DLGAP1: variants seen among roughly 807,000 people sequenced by gnomAD.
DLGAP1 encodes the protein DLG associated protein 1, also known as disks large-associated protein 1.
A neutral mutation model predicts 90.8 loss-of-function variants in DLGAP1; 11 were observed. The ratio of observed to expected loss-of-function variants is 0.12; its 90% CI spans 0.08 to 0.20. The LOEUF is 0.20. DLGAP1 is among the 10% of genes least tolerant of loss of function. The pLI, the probability that DLGAP1 is intolerant of heterozygous loss-of-function variation, is 1.00. For missense variants in DLGAP1, 1,050 were observed against 1,333.8 expected (o/e 0.79, Z 3.31); for synonymous variants, 558 against 540.7 (o/e 1.03, Z -0.44).
chr18:3,639,546 GGGAATCACAGCCCATTGGCTTAAAA>G lies in DLGAP1; in HGVS notation c.1592-57323_1592-57299del, dbSNP rs879549235. Among the ~76,000 whole-genome samples, 100 of 152,092 alleles carry G rather than the reference GGGAATCACAGCCCATTGGCTTAAAA, an allele frequency of 6.6e-4. No homozygotes were observed. In the South Asian group the frequency reaches 0.01, roughly 15 times the overall value. On this transcript the variant is annotated intron_variant, in intron 7 of 12. Coordinates refer to ENST00000315677, the MANE Select transcript of DLGAP1 (RefSeq NM_004746.4). ...CGGTCACGGGGCTAGAATTTTGTAT[GGGAATCACAGCCCATTGGCTTAAAA>G]GGAATCACAGCCCATTGGCTTAAAA...
intron 9 of DLGAP1, among the ~76,000 whole-genome samples, chr18:3,563,164 T>C (rs1382975719): frequency 6.6e-6 from 1 of 152,166 alleles, no homozygotes; most frequent in Admixed American, 6.6e-5. Flanking sequence ...TAAGATGTTC[T>C]TTCCCTCTCA....
chr18:4,314,791 C>A (rs113723366), intron 1 of DLGAP1, among the ~76,000 whole-genome samples: 5,926 of 151,992 alleles, frequency 0.039, 317 homozygotes, highest in African/African-American at 0.11. Context: ...TACGTTAGGG[C>A]GTGGTGAAGA....
intron 2 of DLGAP1, among the ~76,000 whole-genome samples, chr18:4,017,436 A>G (rs2074541293): frequency 6.6e-6 from 1 of 152,240 alleles, no homozygotes; most frequent in African/African-American, 2.4e-5. Context: ...AAATAAAATA[A>G]TTATTTCTAA....
intron 4 of DLGAP1, among the ~76,000 whole-genome samples, chr18:3,820,756 T>G (rs2067363256): frequency 6.6e-6 from 1 of 152,194 alleles, no homozygotes; most frequent in South Asian, 2.1e-4. Flanking sequence ...AGTGCCTATG[T>G]TACTTTATGT....
At chr18:3,928,872 C>T (rs1308477718) in intron 3 of DLGAP1, among the ~76,000 whole-genome samples, 2 of 152,100 alleles carry the variant, frequency 1.3e-5, no homozygotes, top group Non-Finnish European at 2.9e-5. Flanking sequence ...TGATCTCGAG[C>T]GTTAGAGGTA....
At chr18:3,676,015 C>G (rs1401038254) in intron 7 of DLGAP1, among the ~76,000 whole-genome samples, 1 of 152,098 alleles carries the variant, frequency 6.6e-6, no homozygotes, top group Non-Finnish European at 1.5e-5. Context: ...GAAAAGCAGC[C>G]CCAGACTATT....
intron 7 of DLGAP1, among the ~76,000 whole-genome samples, chr18:3,610,293 G>T (rs2057543064): frequency 1.3e-5 from 2 of 152,180 alleles, no homozygotes; most frequent in Non-Finnish European, 2.9e-5. Context: ...CTGCAGCAAT[G>T]AAATAAACAG....
In DLGAP1 at chr18:3,508,550, A is replaced by C. The variant is rs2050368080; in HGVS notation, c.2571+20T>G. Reference sequence around the variant, plus strand: ...CTCATGGCACTAGCAGGGAAATTGTAGAAGGAGAGTGTTACCTACCAGGTT... The same window carrying C: ...CTCATGGCACTAGCAGGGAAATTGTCGAAGGAGAGTGTTACCTACCAGGTT... On this transcript the variant is annotated intron_variant, in intron 11 of 12. Transcript: ENST00000315677. 1 of 1,576,564 alleles carries C rather than the reference A, an allele frequency of 6.3e-7. No homozygotes were observed. The highest frequency in any genetic ancestry group is 8.7e-7 in the Non-Finnish European group (1 of 1,153,132).
chr18:4,011,314 G>C (rs2074416317), intron 2 of DLGAP1, among the ~76,000 whole-genome samples: 1 of 152,082 alleles, frequency 6.6e-6, no homozygotes, highest in Non-Finnish European at 1.5e-5. Context: ...AAAGGCTCAA[G>C]GGGGGTGCAG....
intron 4 of DLGAP1, among the ~76,000 whole-genome samples, chr18:3,852,323 T>A (rs1345274995): frequency 6.6e-6 from 1 of 152,088 alleles, no homozygotes; most frequent in Non-Finnish European, 1.5e-5. Context: ...GAAAATGAAG[T>A]TGACATCAGA....
intron 1 of DLGAP1, among the ~76,000 whole-genome samples, chr18:4,405,068 A>G (rs925587379): frequency 2.6e-5 from 4 of 152,214 alleles, no homozygotes; most frequent in African/African-American, 7.2e-5. Context: ...AGTACATTCA[A>G]TTACACACAG....
At chr18:3,696,795 T>C (rs563527889) in intron 7 of DLGAP1, among the ~76,000 whole-genome samples, 29 of 152,242 alleles carry the variant, frequency 1.9e-4, no homozygotes, top group Non-Finnish European at 3.8e-4. Context: ...TTTGTACCTC[T>C]GGTAGAATTC....
intron 7 of DLGAP1, among the ~76,000 whole-genome samples, chr18:3,593,506 C>T (rs2056397878): frequency 6.6e-6 from 1 of 152,142 alleles, no homozygotes; most frequent in African/African-American, 2.4e-5. Context: ...AGTCTTCTCT[C>T]CCAGTTACAT....
chr18:4,021,622 G>C (rs558668137), intron 2 of DLGAP1, among the ~76,000 whole-genome samples: 1 of 151,450 alleles, frequency 6.6e-6, no homozygotes. Context: ...TTTTTAGACC[G>C]AGACTTGCTC....
At chr18:3,642,680 C>T (rs1454923504) in intron 7 of DLGAP1, among the ~76,000 whole-genome samples, 2 of 152,160 alleles carry the variant, frequency 1.3e-5, no homozygotes, top group African/African-American at 4.8e-5. Flanking sequence ...AATGAGATAA[C>T]ATACGCCTTG....
At chr18:4,285,678 G>T (rs542201126) in intron 1 of DLGAP1, among the ~76,000 whole-genome samples, 30 of 152,254 alleles carry the variant, frequency 2.0e-4, no homozygotes, top group Non-Finnish European at 4.1e-4. Context: ...TACAGAAATC[G>T]GCAGTGAGGT....
At chr18:4,162,884 G>A (rs12605517) in intron 1 of DLGAP1, among the ~76,000 whole-genome samples, 9,566 of 151,638 alleles carry the variant, frequency 0.063, 800 homozygotes, top group East Asian at 0.24. Flanking sequence ...CAATGTCAAC[G>A]CACACCATTA....
intron 1 of DLGAP1, among the ~76,000 whole-genome samples, chr18:4,354,887 C>CAAAAAAAAAAAAAAAAAAA (rs60379984): frequency 4.2e-5 from 1 of 23,874 alleles, no homozygotes; most frequent in Non-Finnish European, 8.7e-5. Context: ...TTACTCTCAC[C>CAAAAAAAAAAAAAAAAAAA]AAAAAAAAAA....
At chr18:3,782,140 AT>A (rs1477542106) in intron 5 of DLGAP1, among the ~76,000 whole-genome samples, 396 of 140,210 alleles carry the variant, frequency 2.8e-3, no homozygotes, top group Admixed American at 4.7e-3. Flanking sequence ...TTGCTCTAAG[AT>A]TTTTTTTTTT....
Sources: allele counts gnomAD v4.1 joint callset (sites outside exome capture counted in the v4.1 genomes callset), GRCh38; gene constraint gnomAD v4.1.1; transcripts MANE v1.5; gene names NCBI Gene and HGNC (gene_info 2026-07-23, HGNC 2026-07-21).